MEMO1: variants seen among roughly 807,000 people sequenced by gnomAD.
The protein encoded by MEMO1 is mediator of cell motility 1.
A neutral mutation model predicts 45.2 loss-of-function variants in MEMO1; 6 were observed. The observed-to-expected ratio is 0.13, with a 90% confidence interval of 0.07 to 0.26. The LOEUF is 0.26. Ranked by LOEUF, MEMO1 falls within the 10% of genes least tolerant of loss-of-function variation. The pLI, the probability that MEMO1 is intolerant of heterozygous loss-of-function variation, is 1.00. For synonymous variants in MEMO1, 78 were observed against 124.3 expected (o/e 0.63, Z 2.48); for missense variants, 184 against 370.5 (o/e 0.50, Z 4.13).
chr2:31,933,338 A>ATATAT (rs1664446443), intron 3 of MEMO1, among the ~76,000 whole-genome samples: 1 of 57,244 alleles, frequency 1.7e-5, no homozygotes, highest in African/African-American at 7.9e-5. Flanking sequence ...AAAAAAAAAA[A>ATATAT]AAAAAAAAAA....
At chr2:31,891,891 G>A (rs981426391) in intron 7 of MEMO1, 101 bp downstream of exon 7, 43 of 1,242,530 alleles carry the variant, frequency 3.5e-5, no homozygotes, top group Non-Finnish European at 4.3e-5. Context: ...AACTTTCCAA[G>A]GAAAGTGATA....
At chr2:31,949,872 C>T (rs1021696737) in intron 2 of MEMO1, among the ~76,000 whole-genome samples, 2 of 151,420 alleles carry the variant, frequency 1.3e-5, no homozygotes, top group African/African-American at 4.9e-5. Flanking sequence ...TGTATCAAAA[C>T]ATCTCATGTA....
chr2:31,903,773 T>C (rs180715789), intron 6 of MEMO1, among the ~76,000 whole-genome samples: 2 of 152,120 alleles, frequency 1.3e-5, no homozygotes, highest in African/African-American at 4.8e-5. Flanking sequence ...GTAAGACATA[T>C]GCAGAAATAT....
chr2:31,891,864 A>T, intron 7 of MEMO1, 128 bp downstream of exon 7: 1 of 946,752 alleles, frequency 1.1e-6, no homozygotes. Context: ...ACTTTTAAAC[A>T]CTGCTGCCAG....
At chr2:31,970,826 A>C (rs1268076262) in intron 2 of MEMO1, among the ~76,000 whole-genome samples, 3 of 152,132 alleles carry the variant, frequency 2.0e-5, no homozygotes, top group Admixed American at 6.5e-5. Flanking sequence ...CAACGTGGTG[A>C]AACCCCGTCT....
At chr2:31,871,516 CACAT>C (rs150207156) in intron 8 of MEMO1, among the ~76,000 whole-genome samples, 2,499 of 151,166 alleles carry the variant, frequency 0.017, 35 homozygotes, top group East Asian at 0.048. Context: ...CACACACACA[CACAT>C]ATATATATAT....
At position 31,868,087 on chromosome 2, in the gene MEMO1, ACTGT is replaced by A. The variant is rs1367415287; in HGVS notation, c.*270_*273del. 1 of 288,754 alleles carries A rather than the reference ACTGT, an allele frequency of 3.5e-6. No homozygotes were observed. Among genetic ancestry groups the A allele is most frequent in the African/African-American group, 2.2e-5 (1 of 45,718 alleles). The allele number at this position is 288,754 out of a possible 1,614,324, so 17.9% of individuals were successfully genotyped here. ...ATGCTTTACAAGTTACTTTCAAAAA[ACTGT>A]CTGCCACAACTGAGCCTTTACATTG... On this transcript the variant is annotated 3_prime_UTR_variant, in exon 10 of 10. Transcript: ENST00000404530.
intron 8 of MEMO1, among the ~76,000 whole-genome samples, chr2:31,879,572 G>A (rs1234300589): frequency 6.6e-6 from 1 of 152,020 alleles, no homozygotes; most frequent in African/African-American, 2.4e-5. Flanking sequence ...GGCCATATAT[G>A]TAATTTTAAA....
intron 7 of MEMO1, among the ~76,000 whole-genome samples, chr2:31,885,258 T>C (rs1676020058): frequency 1.3e-5 from 2 of 152,290 alleles, no homozygotes; most frequent in African/African-American, 4.8e-5. Context: ...TAGCTGGGAC[T>C]ACAGGCATGT....
intron 2 of MEMO1, among the ~76,000 whole-genome samples, chr2:32,009,506 T>C (rs1457978782): frequency 6.6e-6 from 1 of 152,162 alleles, no homozygotes; most frequent in African/African-American, 2.4e-5. Context: ...AAAAAAGTGC[T>C]ACCCTTCACT....
At chr2:32,007,907 C>A (rs957615137) in intron 2 of MEMO1, among the ~76,000 whole-genome samples, 3 of 151,800 alleles carry the variant, frequency 2.0e-5, no homozygotes, top group African/African-American at 7.3e-5. Flanking sequence ...TTAAATCTAC[C>A]CTCAATTATT....
intron 2 of MEMO1, among the ~76,000 whole-genome samples, chr2:31,973,066 G>A (rs747650781): frequency 2.2e-4 from 33 of 152,188 alleles, no homozygotes; most frequent in Admixed American, 2.0e-3. Context: ...CTAAAATGGT[G>A]CAGTCACTGT....
At chr2:31,881,157 A>C (rs959960542) in intron 8 of MEMO1, among the ~76,000 whole-genome samples, 2 of 152,172 alleles carry the variant, frequency 1.3e-5, no homozygotes, top group African/African-American at 2.4e-5. Flanking sequence ...ATTATATTTA[A>C]AAATTCTGTG....
At chr2:31,868,529 C>T (rs1294400666) in intron 9 of MEMO1, 37 bp from the exon 10 acceptor site, 1 of 1,543,446 alleles carries the variant, frequency 6.5e-7, no homozygotes, top group Non-Finnish European at 8.7e-7. Context: ...ACACACATCA[C>T]ATAAAAAACT....
At chr2:31,942,465 T>C (rs775061841) in intron 3 of MEMO1, among the ~76,000 whole-genome samples, 2 of 152,164 alleles carry the variant, frequency 1.3e-5, no homozygotes, top group Non-Finnish European at 2.9e-5. Flanking sequence ...TTATCAAAAA[T>C]ACATTTCGAA....
chr2:31,926,961 T>C (rs2148217843), intron 4 of MEMO1, among the ~76,000 whole-genome samples: 1 of 152,344 alleles, frequency 6.6e-6, no homozygotes, highest in Non-Finnish European at 1.5e-5. Context: ...ATTTTCCAAA[T>C]GCTCCACACG....
At chr2:31,977,092 T>C (rs534163894) in intron 2 of MEMO1, among the ~76,000 whole-genome samples, 3 of 152,024 alleles carry the variant, frequency 2.0e-5, no homozygotes, top group South Asian at 4.2e-4. Context: ...AGGGATAAAC[T>C]AGAAAGCAGA....
At chr2:31,934,264 A>G (rs1356619868) in intron 3 of MEMO1, among the ~76,000 whole-genome samples, 1 of 152,068 alleles carries the variant, frequency 6.6e-6, no homozygotes, top group African/African-American at 2.4e-5. Context: ...CCTCTTTGTC[A>G]TTCTTAAATT....
At chr2:31,924,763 C>A (rs1006814842) in intron 4 of MEMO1, among the ~76,000 whole-genome samples, 1 of 152,152 alleles carries the variant, frequency 6.6e-6, no homozygotes, top group Admixed American at 6.5e-5. Flanking sequence ...TTCTGTCCTG[C>A]AAGGCTTGCT....
Sources: allele counts gnomAD v4.1 joint callset (sites outside exome capture counted in the v4.1 genomes callset), GRCh38; gene constraint gnomAD v4.1.1; transcripts MANE v1.5; gene names NCBI Gene and HGNC (gene_info 2026-07-23, HGNC 2026-07-21).